LRFN2: variants seen among roughly 807,000 people sequenced by gnomAD.
The protein encoded by LRFN2 is leucine rich repeat and fibronectin type III domain containing 2.
Under a neutral mutation model 37.3 loss-of-function variants are expected in LRFN2, and 18 were observed. That is an observed-to-expected ratio of 0.48 (90% confidence interval 0.33 to 0.72). LRFN2 has a LOEUF of 0.72. Ranked by LOEUF, LRFN2 falls within the 30% of genes least tolerant of loss-of-function variation. The pLI is 0.02. For missense variants in LRFN2, 1,006 were observed against 1,060.7 expected (o/e 0.95, Z 0.72); for synonymous variants, 556 against 466.6 (o/e 1.19, Z -2.47).
intron 1 of LRFN2, among the ~76,000 whole-genome samples, chr6:40,519,264 CAAGAA>C (rs1765978609): frequency 6.6e-6 from 1 of 152,158 alleles, no homozygotes; most frequent in Admixed American, 6.6e-5. Flanking sequence ...CCTTTAAAAT[CAAGAA>C]AACTGAGCTT....
At position 40,431,819 on chromosome 6, in the gene LRFN2, G is replaced by A; in HGVS notation, c.1295C>T (p.Thr432Ile). 6.4e-7 allele frequency: 1 copy of A among 1,553,724 alleles called. No individual in the cohort carries two copies. The highest frequency in any genetic ancestry group is 8.7e-7 in the Non-Finnish European group (1 of 1,148,582). Residue 432 changes from threonine (T) to isoleucine (I), a missense_variant, in exon 2 of 3, where the codon ACC (threonine) becomes ATC (isoleucine). Physicochemically the swap from Thr to Ile is moderately conservative, Grantham distance 89. Coordinates refer to ENST00000338305, the MANE Select transcript of LRFN2 (RefSeq NM_020737.3). Reference protein sequence around the residue: ...PERAVLVSEVTTTSALVKWSV... With the variant: ...PERAVLVSEVITTSALVKWSV... ...CCACTTGACCAGGGCCGAGGTGGTG[G>A]TCACTTCAGACACAAGCACAGCCCG... is the stretch of plus-strand genomic sequence containing the variant.
At chr6:40,547,217 G>C (rs957200120) in intron 1 of LRFN2, among the ~76,000 whole-genome samples, 3 of 150,800 alleles carry the variant, frequency 2.0e-5, no homozygotes, top group Non-Finnish European at 2.9e-5. Context: ...CAATTCTCCT[G>C]TCTCAGCCTC....
At chr6:40,501,378 T>G (rs1016553133) in intron 1 of LRFN2, among the ~76,000 whole-genome samples, 1 of 152,010 alleles carries the variant, frequency 6.6e-6, no homozygotes, top group African/African-American at 2.4e-5. Flanking sequence ...TGGAGTGCAG[T>G]GGCATACTCA....
chr6:40,450,037 G>A (rs1764067041), intron 1 of LRFN2, among the ~76,000 whole-genome samples: 1 of 152,206 alleles, frequency 6.6e-6, no homozygotes, highest in African/African-American at 2.4e-5. Context: ...GTAGGCAGAA[G>A]GAGCTGACAC....
chr6:40,479,994 G>A (rs1158482341), intron 1 of LRFN2, among the ~76,000 whole-genome samples: 4 of 152,202 alleles, frequency 2.6e-5, no homozygotes, highest in African/African-American at 9.6e-5. Flanking sequence ...ATGCAGACAC[G>A]AATCTATTTC....
chr6:40,576,754 T>C (rs1767287195), intron 1 of LRFN2, among the ~76,000 whole-genome samples: 2 of 152,186 alleles, frequency 1.3e-5, no homozygotes, highest in African/African-American at 2.4e-5. Context: ...GCTGGGGCTT[T>C]GGGTCCTGGC....
chr6:40,441,781 G>C (rs1290103153), intron 1 of LRFN2, among the ~76,000 whole-genome samples: 1 of 152,114 alleles, frequency 6.6e-6, no homozygotes, highest in Non-Finnish European at 1.5e-5. Flanking sequence ...TTTTTGCTTT[G>C]AATCAGTCAT....
At chr6:40,494,806 G>A (rs2113872108) in intron 1 of LRFN2, among the ~76,000 whole-genome samples, 1 of 152,236 alleles carries the variant, frequency 6.6e-6, no homozygotes, top group Non-Finnish European at 1.5e-5. Context: ...TCTTCCACCT[G>A]ATTGAGAGCC....
chr6:40,421,709 T>TA (rs1226092144), intron 2 of LRFN2, among the ~76,000 whole-genome samples: 1 of 152,202 alleles, frequency 6.6e-6, no homozygotes, highest in Non-Finnish European at 1.5e-5. Flanking sequence ...TCCTCATTCC[T>TA]ATCATGGCCA....
At chr6:40,466,510 G>A (rs1030231467) in intron 1 of LRFN2, among the ~76,000 whole-genome samples, 2 of 152,144 alleles carry the variant, frequency 1.3e-5, no homozygotes, top group African/African-American at 4.8e-5. Flanking sequence ...AGTATAAGCA[G>A]GGGTTTCCAT....
chr6:40,474,514 C>T (rs1242704973), intron 1 of LRFN2, among the ~76,000 whole-genome samples: 1 of 151,974 alleles, frequency 6.6e-6, no homozygotes, highest in Non-Finnish European at 1.5e-5. Flanking sequence ...TTTTGAGATG[C>T]AGTCTCACTC....
intron 1 of LRFN2, among the ~76,000 whole-genome samples, chr6:40,515,892 CAAA>C (rs71543993): frequency 1.6e-4 from 15 of 91,762 alleles, no homozygotes; most frequent in African/African-American, 2.1e-4. Flanking sequence ...GACTCCATAT[CAAA>C]AAAAAAAAAA....
At chr6:40,483,013 C>A (rs184636854) in intron 1 of LRFN2, among the ~76,000 whole-genome samples, 2,367 of 152,344 alleles carry the variant, frequency 0.016, 28 homozygotes, top group Non-Finnish European at 0.021. Flanking sequence ...ACTCTCACTT[C>A]CTCCGCCAAA....
chr6:40,483,267 C>T (rs1331906174), intron 1 of LRFN2, among the ~76,000 whole-genome samples: 3 of 152,254 alleles, frequency 2.0e-5, no homozygotes, highest in Non-Finnish European at 4.4e-5. Flanking sequence ...TTTTCATTTC[C>T]ATCCTCCCTT....
intron 1 of LRFN2, among the ~76,000 whole-genome samples, chr6:40,499,335 C>T (rs756006679): frequency 2.0e-5 from 3 of 152,134 alleles, no homozygotes; most frequent in Non-Finnish European, 4.4e-5. Context: ...GACCCAGTGG[C>T]CGGGGATTTT....
chr6:40,480,289 C>T (rs760954293), intron 1 of LRFN2, among the ~76,000 whole-genome samples: 2 of 151,894 alleles, frequency 1.3e-5, no homozygotes, highest in Non-Finnish European at 2.9e-5. Context: ...TCTTTCCTTT[C>T]TTTTTTGAGA....
chr6:40,393,395 CA>C (rs1762554568), intron 2 of LRFN2, among the ~76,000 whole-genome samples: 1 of 151,098 alleles, frequency 6.6e-6, no homozygotes, highest in South Asian at 2.1e-4. Flanking sequence ...AACAAAAACA[CA>C]AAAACACAAT....
chr6:40,473,286 T>A (rs1561869861), intron 1 of LRFN2, among the ~76,000 whole-genome samples: 1 of 152,182 alleles, frequency 6.6e-6, no homozygotes, highest in Non-Finnish European at 1.5e-5. Flanking sequence ...AGCTTAAATG[T>A]CATGTCTCCA....
intron 1 of LRFN2, among the ~76,000 whole-genome samples, chr6:40,465,670 C>T (rs948035590): frequency 6.6e-6 from 1 of 152,166 alleles, no homozygotes; most frequent in African/African-American, 2.4e-5. Flanking sequence ...AGATCTGATA[C>T]CTGACAGCTT....
Sources: gnomAD v4.1 joint callset for allele counts (sites outside exome capture counted in the v4.1 genomes callset) on GRCh38, gnomAD v4.1.1 for gene constraint, MANE v1.5 for transcripts, NCBI Gene and HGNC (gene_info 2026-07-23, HGNC 2026-07-21) for gene names.